CDH8: variants seen among roughly 807,000 people sequenced by gnomAD.
CDH8 encodes the protein cadherin 8.
In CDH8, 17 loss-of-function variants were observed where a neutral mutation model predicts 68.1. The observed-to-expected ratio is 0.25, with a 90% CI of 0.17 to 0.37. CDH8 has a LOEUF of 0.37. Ranked by LOEUF, CDH8 falls within the 10% of genes least tolerant of loss-of-function variation. The pLI is 1.00. For synonymous variants in CDH8, 372 were observed against 365.1 expected, an observed-to-expected ratio of 1.02 and a Z score of -0.21; for missense variants, 763 against 999.3, an observed-to-expected ratio of 0.76 and a Z score of 3.19.
At chr16:61,780,738 A>G (rs1961028825) in intron 8 of CDH8, among the ~76,000 whole-genome samples, 1 of 152,192 alleles carries the variant, frequency 6.6e-6, no homozygotes, top group African/African-American at 2.4e-5. Context: ...GGGCTAAATA[A>G]TCAAATCAAG....
chr16:61,896,259 A>G (rs1319645356), intron 3 of CDH8, among the ~76,000 whole-genome samples: 1 of 152,244 alleles, frequency 6.6e-6, no homozygotes, highest in Non-Finnish European at 1.5e-5. Flanking sequence ...CAGCTTCCAA[A>G]TAAGATATTT....
Position 61,653,454 on chromosome 16 carries a change from T to G in CDH8, c.*154A>C, listed in dbSNP as rs957314302. 9.0e-7 allele frequency: 1 copy of G among 1,111,168 alleles called. No homozygotes were observed. The highest frequency in any genetic ancestry group is 2.0e-5 in the African/African-American group (1 of 50,074). 68.8% of individuals were successfully genotyped at this position (1,111,168 alleles called of 1,614,324 possible). A position where few individuals can be genotyped will look rare whatever the true frequency, so the allele number is the denominator to read the frequency against. ...ACATATACTTTTTTATTTTATTATC[T>G]TTTTTTGGTTCAACATTAAAATGTG... On this transcript the variant is annotated 3_prime_UTR_variant, in exon 12 of 12. Coordinates refer to ENST00000577390, the MANE Select transcript of CDH8 (RefSeq NM_001796.5).
chr16:61,713,379 A>G (rs565207977), intron 10 of CDH8, among the ~76,000 whole-genome samples: 1 of 151,818 alleles, frequency 6.6e-6, no homozygotes, highest in Non-Finnish European at 1.5e-5. Context: ...ACTAACTGTT[A>G]TTGTTAAAGT....
At chr16:61,916,251 T>C (rs60248185) in intron 2 of CDH8, among the ~76,000 whole-genome samples, 21,541 of 152,228 alleles carry the variant, frequency 0.14, 2,174 homozygotes, top group East Asian at 0.29. Flanking sequence ...TTGTGGCTCA[T>C]GCCTGTAATC....
At chr16:61,980,122 A>G (rs1965505896) in intron 2 of CDH8, among the ~76,000 whole-genome samples, 1 of 152,216 alleles carries the variant, frequency 6.6e-6, no homozygotes, top group South Asian at 2.1e-4. Flanking sequence ...CAGGGAAGAC[A>G]GGGGCAGAAA....
Position 61,651,625 on chromosome 16 carries a change from G to C in CDH8, c.*1983C>G, listed in dbSNP as rs1326526619. On this transcript the variant is annotated 3_prime_UTR_variant, in exon 12 of 12. Coordinates refer to ENST00000577390, the MANE Select transcript of CDH8 (RefSeq NM_001796.5). The stretch of plus-strand genomic sequence containing the variant: ...GTTTTCACTCTAGAACCCCCTGTCA[G>C]ACTGGCAGAGATTTTGCCAGGTCCG... 1 of 152,184 alleles carries C rather than the reference G, an allele frequency of 6.6e-6. No homozygotes were observed. Among genetic ancestry groups the C allele is most frequent in the Non-Finnish European group, 1.5e-5 (1 of 68,086 alleles). 9.4% of individuals were successfully genotyped at this position (152,184 alleles called of 1,614,324 possible).
intron 4 of CDH8, among the ~76,000 whole-genome samples, chr16:61,847,448 AT>A (rs1437346537): frequency 6.6e-6 from 1 of 150,958 alleles, no homozygotes; most frequent in Admixed American, 6.6e-5. Flanking sequence ...CTCTTAGTGG[AT>A]TCTTACTCAT....
At chr16:61,873,031 A>G (rs1963398058) in intron 3 of CDH8, among the ~76,000 whole-genome samples, 1 of 152,208 alleles carries the variant, frequency 6.6e-6, no homozygotes, top group Admixed American at 6.5e-5. Context: ...GGAAATTGTG[A>G]AAGATAACAG....
At chr16:61,978,744 T>C (rs1457576229) in intron 2 of CDH8, among the ~76,000 whole-genome samples, 6 of 152,190 alleles carry the variant, frequency 3.9e-5, no homozygotes, top group East Asian at 1.9e-4. Flanking sequence ...ACAAAGCCTA[T>C]GCTTTTTCCA....
intron 7 of CDH8, among the ~76,000 whole-genome samples, chr16:61,816,722 A>G (rs1962083484): frequency 6.6e-6 from 1 of 152,074 alleles, no homozygotes; most frequent in Non-Finnish European, 1.5e-5. Context: ...CTGTACTGTC[A>G]TTTGGGTGAC....
At position 61,652,053 on chromosome 16, in the gene CDH8, G is replaced by T. The variant is rs142249705; in HGVS notation, c.*1555C>A. Reference sequence around the variant, plus strand: ...TTTCACAAAGTAGGAAACAATACAGGAGTTTCTCTGAATACAATACATGGA... The same window carrying T: ...TTTCACAAAGTAGGAAACAATACAGTAGTTTCTCTGAATACAATACATGGA... On this transcript the variant is annotated 3_prime_UTR_variant, in exon 12 of 12. Coordinates refer to ENST00000577390, the MANE Select transcript of CDH8 (RefSeq NM_001796.5). 5.7e-5 allele frequency: 50 copies of T among 873,506 alleles called. No individual in the cohort carries two copies. In the African/African-American group the frequency reaches 8.4e-4, roughly 15 times the overall value. The allele number at this position is 873,506 out of a possible 1,614,324, so 54.1% of individuals were successfully genotyped here.
At chr16:61,842,405 C>G (rs1401585264) in intron 4 of CDH8, among the ~76,000 whole-genome samples, 1 of 152,092 alleles carries the variant, frequency 6.6e-6, no homozygotes, top group Non-Finnish European at 1.5e-5. Flanking sequence ...TTGTCTCTCC[C>G]TCTTGCCCTC....
chr16:61,917,004 C>A (rs1022100969), intron 2 of CDH8, among the ~76,000 whole-genome samples: 1 of 151,408 alleles, frequency 6.6e-6, no homozygotes, highest in African/African-American at 2.4e-5. Context: ...TTGAAAGTGA[C>A]CTTGTGCTAG....
At chr16:61,681,649 C>A (rs547846279) in intron 10 of CDH8, among the ~76,000 whole-genome samples, 2 of 151,344 alleles carry the variant, frequency 1.3e-5, no homozygotes, top group South Asian at 2.1e-4. Context: ...AATTGTACCA[C>A]AAAATGGGCA....
intron 2 of CDH8, among the ~76,000 whole-genome samples, chr16:61,977,745 A>T (rs1965462839): frequency 6.6e-6 from 1 of 152,186 alleles, no homozygotes; most frequent in Admixed American, 6.5e-5. Context: ...AAGACATCTG[A>T]ACTCTTAGCT....
intron 1 of CDH8, among the ~76,000 whole-genome samples, chr16:62,030,815 C>T (rs1188869873): frequency 6.6e-6 from 1 of 151,980 alleles, no homozygotes; most frequent in East Asian, 1.9e-4. Flanking sequence ...CACAAAAGTA[C>T]CTTATCATGG....
intron 10 of CDH8, among the ~76,000 whole-genome samples, chr16:61,687,872 C>A (rs1390198863): frequency 1.3e-5 from 2 of 151,988 alleles, no homozygotes; most frequent in African/African-American, 4.8e-5. Flanking sequence ...CTTTTCTAAG[C>A]TTTATCTCAT....
chr16:61,704,487 G>T (rs1158219380), intron 10 of CDH8, among the ~76,000 whole-genome samples: 1 of 152,098 alleles, frequency 6.6e-6, no homozygotes, highest in African/African-American at 2.4e-5. Context: ...TAATATGGAA[G>T]ATATTTTATA....
chr16:61,687,876 A>T (rs1477833572), intron 10 of CDH8, among the ~76,000 whole-genome samples: 2 of 152,038 alleles, frequency 1.3e-5, no homozygotes, highest in Non-Finnish European at 2.9e-5. Context: ...TCTAAGCTTT[A>T]TCTCATTTAT....
Sources: gnomAD v4.1 joint callset for allele counts (sites outside exome capture counted in the v4.1 genomes callset) on GRCh38, gnomAD v4.1.1 for gene constraint, MANE v1.5 for transcripts, NCBI Gene and HGNC (gene_info 2026-07-23, HGNC 2026-07-21) for gene names.